Variants in DPY19L3 observed in about 807,000 individuals in gnomAD.
DPY19L3 encodes the protein protein C-mannosyl-transferase DPY19L3.
DPY19L3 carries 51 observed loss-of-function variants against 92.3 expected under a neutral mutation model. The observed-to-expected ratio is 0.55, with a 90% CI of 0.44 to 0.70. The LOEUF is 0.70. Among genes scored for constraint, DPY19L3 ranks in the 30% least tolerant of loss-of-function variants. The probability of loss-of-function intolerance (pLI) is 0.00; values close to 1 mark genes in which losing one functional copy is unlikely to be tolerated. For synonymous variants in DPY19L3, 309 were observed against 315.2 expected, an observed-to-expected ratio of 0.98 and a Z score of 0.21; for missense variants, 706 against 855.9, an observed-to-expected ratio of 0.82 and a Z score of 2.18.
At chr19:32,406,930 C>G (rs542758863) in intron 1 of DPY19L3, among the ~76,000 whole-genome samples, 9 of 151,578 alleles carry the variant, frequency 5.9e-5, no homozygotes, top group Non-Finnish European at 1.2e-4. Context: ...TTAAACACTC[C>G]TCTTCTCCCT....
At chr19:32,465,894 A>G (rs1333591297) in intron 15 of DPY19L3, among the ~76,000 whole-genome samples, 2 of 152,254 alleles carry the variant, frequency 1.3e-5, no homozygotes, top group African/African-American at 4.8e-5. Context: ...ACTGAAACTT[A>G]CTAAAAACAT....
At chr19:32,481,815 G>T in intron 18 of DPY19L3, 1 of 410,908 alleles carries the variant, frequency 2.4e-6, no homozygotes, top group Non-Finnish European at 4.4e-6. Flanking sequence ...GTTCCTGAGA[G>T]CAAGCAGACC....
intron 12 of DPY19L3, 142 bp downstream of exon 12, chr19:32,458,651 G>C: frequency 1.2e-6 from 1 of 851,604 alleles, no homozygotes. Flanking sequence ...GTTTAGAGTG[G>C]ACTACACTCC....
At chr19:32,460,524 T>C (rs1034653654) in intron 12 of DPY19L3, among the ~76,000 whole-genome samples, 2 of 152,190 alleles carry the variant, frequency 1.3e-5, no homozygotes, top group Admixed American at 1.3e-4. Flanking sequence ...TGTGAGTGAA[T>C]GTGAAGGCCT....
chr19:32,420,875 T>A (rs1270094727), intron 3 of DPY19L3, among the ~76,000 whole-genome samples: 1 of 152,234 alleles, frequency 6.6e-6, no homozygotes, highest in Admixed American at 6.5e-5. Context: ...TGAAAAACAT[T>A]ACTTAATATT....
intron 1 of DPY19L3, among the ~76,000 whole-genome samples, chr19:32,406,617 G>T (rs1967961513): frequency 6.6e-6 from 1 of 152,110 alleles, no homozygotes; most frequent in African/African-American, 2.4e-5. Context: ...CTCCCAAAGC[G>T]CTGGGATTAC....
intron 9 of DPY19L3, among the ~76,000 whole-genome samples, chr19:32,453,628 G>A (rs1599647273): frequency 1.3e-5 from 2 of 152,046 alleles, no homozygotes; most frequent in South Asian, 4.1e-4. Flanking sequence ...TCTCCTGCTT[G>A]TGTTGGGAGC....
At chr19:32,476,875 A>C (rs967934152) in intron 16 of DPY19L3, among the ~76,000 whole-genome samples, 2 of 152,006 alleles carry the variant, frequency 1.3e-5, no homozygotes. Context: ...TCTTGTTTCC[A>C]TGTTTTGTTG....
chr19:32,417,981 A>C (rs62104851), intron 3 of DPY19L3, among the ~76,000 whole-genome samples: 59,754 of 151,962 alleles, frequency 0.39, 13,731 homozygotes, highest in Non-Finnish European at 0.53. Flanking sequence ...AGCTAGACTT[A>C]CGGGGCTGAA....
At position 32,477,573 on chromosome 19, in the gene DPY19L3, C is replaced by T. The variant is rs771233222; in HGVS notation, c.1749C>T (p.Ala583=). 28 of 1,613,942 alleles carry T rather than the reference C, an allele frequency of 1.7e-5. No individual in the cohort carries two copies. Among genetic ancestry groups the T allele is most frequent in the African/African-American group, 4.0e-5 (3 of 74,868 alleles). Residue 583 remains alanine, a synonymous_variant, in exon 17 of 19, where the codon GCC becomes GCT. Transcript: ENST00000392250. The stretch of plus-strand genomic sequence containing the variant: ...TTGCGGGAAGCATGCAGTTGCTGGC[C>T]GGAGTCAAGCTGTGCACGGGAAGGA... ...AVFAGSMQLL[A]GVKLCTGRTL... is the part of the protein sequence containing the mutation.
In DPY19L3 at chr19:32,423,882, A is replaced by G. The variant is rs140268265; in HGVS notation, c.238-8834A>G. Among the ~76,000 whole-genome samples the G allele has an allele frequency of 4.0e-3, 601 of 151,834 alleles. 2 individuals carry two copies. The highest frequency in any genetic ancestry group is 0.014 in the African/African-American group (578 of 41,412). On this transcript the variant is annotated intron_variant, in intron 3 of 18. Transcript: ENST00000392250. ...AAAACAATTTGCCAGGCATGGTGGC[A>G]TGTGCCTATAGTCCCACCTACTCGG...
chr19:32,439,703 C>G, intron 7 of DPY19L3, 73 bp from the exon 8 acceptor site: 1 of 1,514,542 alleles, frequency 6.6e-7, no homozygotes, highest in African/African-American at 1.4e-5. Flanking sequence ...ACTGGCTGCT[C>G]TTGAGAAAAC....
intron 14 of DPY19L3, 110 bp from the exon 15 acceptor site, chr19:32,464,618 C>G: frequency 1.6e-6 from 1 of 615,202 alleles, no homozygotes; most frequent in Non-Finnish European, 2.7e-6. Context: ...AGGAAAATCA[C>G]TTGAGCCCAA....
chr19:32,441,482 G>A (rs1342616497), intron 8 of DPY19L3, among the ~76,000 whole-genome samples: 2 of 144,146 alleles, frequency 1.4e-5, no homozygotes, highest in African/African-American at 5.1e-5. Flanking sequence ...TTCTGATAAT[G>A]AACATGTGTC....
intron 12 of DPY19L3, among the ~76,000 whole-genome samples, chr19:32,458,961 A>G (rs1471910148): frequency 6.6e-6 from 1 of 152,142 alleles, no homozygotes; most frequent in Non-Finnish European, 1.5e-5. Context: ...TTGTGTTTCC[A>G]TTATTAGCAT....
At position 32,436,682 on chromosome 19, in the gene DPY19L3, G is replaced by T. The variant is rs990288142; in HGVS notation, c.450+115G>T. The T allele has an allele frequency of 4.2e-6, 4 of 947,524 alleles. No homozygotes were observed. In the African/African-American group the frequency reaches 5.1e-5, roughly 12 times the overall value. The allele number at this position is 947,524 out of a possible 1,614,324, so 58.7% of individuals were successfully genotyped here. On this transcript the variant is annotated intron_variant, in intron 5 of 18. Coordinates refer to ENST00000392250, the MANE Select transcript of DPY19L3 (RefSeq NM_001172774.2). ...CTTCAACTGGTTTAGTAGAAAATCAGCAATACTATATTTTTTTTCCATGTA... is the reference window on the plus strand; with the variant it reads ...CTTCAACTGGTTTAGTAGAAAATCATCAATACTATATTTTTTTTCCATGTA...
At chr19:32,442,315 T>C (rs1006560181) in intron 8 of DPY19L3, among the ~76,000 whole-genome samples, 1 of 152,182 alleles carries the variant, frequency 6.6e-6, no homozygotes, top group Non-Finnish European at 1.5e-5. Flanking sequence ...ATAAAGTGTA[T>C]ACTTTTGCTT....
Position 32,464,781 on chromosome 19 carries a change from T to C in DPY19L3, c.1611T>C (p.Tyr537=), listed in dbSNP as rs1333572227. 6.6e-7 allele frequency: 1 copy of C among 1,526,168 alleles called. No individual in the cohort carries two copies. The highest frequency in any genetic ancestry group is 8.9e-7 in the Non-Finnish European group (1 of 1,122,614). The allele number at this position is 1,526,168 out of a possible 1,614,324, so 94.5% of individuals were successfully genotyped here. Reference sequence around the variant, plus strand: ...TATTAATACTGCTGTATCTATGCTATAAGGTAAGACTGATTTTCCTCATTC... The same window carrying C: ...TATTAATACTGCTGTATCTATGCTACAAGGTAAGACTGATTTTCCTCATTC... ...VPILILLYLC[Y]KFWPGMMDEL... The change falls in exon 15 of 19, where the codon TAT becomes TAC. Residue 537 remains tyrosine (Y), a synonymous_variant. Transcript: ENST00000392250.
In DPY19L3 at chr19:32,464,155, T is replaced by C. The variant is rs140727092; in HGVS notation, c.1557+175T>C. The stretch of plus-strand genomic sequence containing the variant: ...GAATTATTTTAAAATAATTTTATTT[T>C]AAAAAATTACTTTTTTCTCAGACTA... On this transcript the variant is annotated intron_variant, in intron 14 of 18. Coordinates refer to ENST00000392250, the MANE Select transcript of DPY19L3 (RefSeq NM_001172774.2). 1.6e-4 allele frequency among the ~76,000 whole-genome samples: 25 copies of C among 152,176 alleles called. No individual in the cohort carries two copies. In the East Asian group the frequency reaches 4.8e-3, roughly 29 times the overall value.
Sources: gnomAD v4.1 joint callset for allele counts (sites outside exome capture counted in the v4.1 genomes callset) on GRCh38, gnomAD v4.1.1 for gene constraint, MANE v1.5 for transcripts, NCBI Gene and HGNC (gene_info 2026-07-23, HGNC 2026-07-21) for gene names.